The following ABHD16A variants were observed in gnomAD, a reference collection of about 807,000 sequenced individuals.
ABHD16A encodes the protein abhydrolase domain containing 16A, phospholipase.
A neutral mutation model predicts 89.8 loss-of-function variants in ABHD16A; 47 were observed. That is an observed-to-expected ratio of 0.52 (90% CI 0.41 to 0.67). The LOEUF is 0.67. Ranked by LOEUF, ABHD16A falls within the 30% of genes least tolerant of loss-of-function variation. ABHD16A has a pLI of 0.00. For synonymous variants in ABHD16A, 251 were observed against 280.4 expected (o/e 0.90, Z 1.05); for missense variants, 580 against 734.6 (o/e 0.79, Z 2.43).
chr6:31,696,908 T>A, intron 5 of ABHD16A, 40 bp downstream of exon 5: 1 of 1,564,750 alleles, frequency 6.4e-7, no homozygotes, highest in Non-Finnish European at 8.8e-7. Flanking sequence ...AGAAAGCTGC[T>A]ATTGGGTGCC....
At chr6:31,694,906 T>C (rs1256391232) in intron 5 of ABHD16A, among the ~76,000 whole-genome samples, 1 of 152,168 alleles carries the variant, frequency 6.6e-6, no homozygotes, top group African/African-American at 2.4e-5. Context: ...TCAGACCTGC[T>C]CTCAAATCTG....
At chr6:31,700,904 G>T in intron 4 of ABHD16A, 38 bp downstream of exon 4, 1 of 1,543,478 alleles carries the variant, frequency 6.5e-7, no homozygotes, top group Non-Finnish European at 9.0e-7. Context: ...CAGTGACAGT[G>T]ACAGATAAGA....
chr6:31,690,530 C>T lies in ABHD16A; in HGVS notation c.907+9G>A, dbSNP rs776583010. On this transcript the variant is annotated intron_variant, in intron 10 of 19. Transcript: ENST00000395952. The surrounding 1 kb of genome is among the most constrained non-coding windows in gnomAD (Gnocchi z 4.1). ...GGGCGGAGATAAGGAGGCTGAGTCACCGTCCTACCTTCCAGGGGCGTGGAG... is the reference window on the plus strand; with the variant it reads ...GGGCGGAGATAAGGAGGCTGAGTCATCGTCCTACCTTCCAGGGGCGTGGAG... The T allele has an allele frequency of 3.7e-6, 6 of 1,612,922 alleles. No homozygotes were observed. Among genetic ancestry groups the T allele is most frequent in the Non-Finnish European group, 5.1e-6 (6 of 1,179,924 alleles).
At chr6:31,703,007 A>G (rs1373760040) in intron 1 of ABHD16A, 143 bp downstream of exon 1, 7 of 1,349,646 alleles carry the variant, frequency 5.2e-6, no homozygotes, top group African/African-American at 1.5e-5. Context: ...TAACTCAGGA[A>G]GCACACAGAG....
chr6:31,694,627 G>A (rs1323922125), intron 5 of ABHD16A, among the ~76,000 whole-genome samples: 2 of 151,870 alleles, frequency 1.3e-5, no homozygotes, highest in African/African-American at 2.4e-5. Context: ...TCCTGACCTC[G>A]TGATCCACCC....
At chr6:31,694,388 T>TTTTTTTTG (rs1804196444) in intron 5 of ABHD16A, among the ~76,000 whole-genome samples, 1 of 14,514 alleles carries the variant, frequency 6.9e-5, no homozygotes, top group Non-Finnish European at 1.5e-4. Flanking sequence ...GAGCTGTGTC[T>TTTTTTTTG]TTTTTTTTTT....
intron 4 of ABHD16A, among the ~76,000 whole-genome samples, chr6:31,699,415 A>C: frequency 6.6e-6 from 1 of 151,020 alleles, no homozygotes; most frequent in East Asian, 1.9e-4. Context: ...TCTCAAAAAA[A>C]AAAAAAAAAA....
Position 31,690,744 on chromosome 6 carries a change from T to C in ABHD16A, c.844-142A>G. On this transcript the variant is annotated intron_variant, in intron 9 of 19. Coordinates refer to ENST00000395952, the MANE Select transcript of ABHD16A (RefSeq NM_021160.3). This position sits in a 1 kb window ranked among gnomAD's most constrained non-coding sequence, Gnocchi z 4.1. Reference sequence around the variant, plus strand: ...TGTTTTCTCCAAGGGGAATGGAAGCTTCTCATTCCACAGGGTCCATAAGAG... The same window carrying C: ...TGTTTTCTCCAAGGGGAATGGAAGCCTCTCATTCCACAGGGTCCATAAGAG... The C allele has an allele frequency of 1.4e-6, 1 of 726,248 alleles. No homozygotes were observed. Among genetic ancestry groups the C allele is most frequent in the Non-Finnish European group, 2.4e-6 (1 of 420,310 alleles). 45.0% of individuals were successfully genotyped at this position (726,248 alleles called of 1,614,324 possible).
In ABHD16A at chr6:31,691,871, G is replaced by C. The variant is rs1414992283; in HGVS notation, c.674C>G (p.Ser225Cys). The change falls in exon 8 of 20, where the codon TCT (serine) becomes TGT (cysteine). Residue 225 changes from serine (S) to cysteine (C), a missense_variant. Around this residue, in one of 2 missense-constraint regions of ABHD16A, gnomAD observed 415 missense variants for 568.8 expected, o/e 0.73. Transcript: ENST00000395952. The part of the protein sequence containing the change: ...TLGRRMLYPG[S>C]VYLLQKALMP... ...GAGGGCCTTCTGCAGCAGGTACACA[G>C]AGCCTGGATACAGCATCCGGCGCCC... 1 of 1,611,456 alleles carries C rather than the reference G, an allele frequency of 6.2e-7. No homozygotes were observed. The highest frequency in any genetic ancestry group is 1.3e-5 in the African/African-American group (1 of 74,888).
chr6:31,693,008 C>T lies in ABHD16A; in HGVS notation c.626+19G>A. On this transcript the variant is annotated intron_variant, in intron 7 of 19. Transcript: ENST00000395952. The surrounding 1 kb of genome is among the most constrained non-coding windows in gnomAD (Gnocchi z 5.0). Reference sequence around the variant, plus strand: ...GGCCCCTCCACCCCAGTGGGCCTCTCCTCGCTGCTGTTTCCCACCTGGTGA... The same window carrying T: ...GGCCCCTCCACCCCAGTGGGCCTCTTCTCGCTGCTGTTTCCCACCTGGTGA... 1 of 1,614,248 alleles carries T rather than the reference C, an allele frequency of 6.2e-7. No individual in the cohort carries two copies.
At chr6:31,692,803 TC>T in intron 7 of ABHD16A, 1 of 344,848 alleles carries the variant, frequency 2.9e-6, no homozygotes, top group African/African-American at 2.2e-5. Context: ...TTTGTTCATA[TC>T]CCAGTTCTTT....
Position 31,690,475 on chromosome 6 carries a change from G to C in ABHD16A, c.907+64C>G. ...GCAGAGGCCAGGGGAGGTCAGGTCA[G>C]TGTGGGAGGCAGGGACATTCCCTTT... On this transcript the variant is annotated intron_variant, in intron 10 of 19. Coordinates refer to ENST00000395952, the MANE Select transcript of ABHD16A (RefSeq NM_021160.3). This position sits in a 1 kb window ranked among gnomAD's most constrained non-coding sequence, Gnocchi z 4.1. 2 of 1,559,188 alleles carry C rather than the reference G, an allele frequency of 1.3e-6. No individual in the cohort carries two copies. Among genetic ancestry groups the C allele is most frequent in the Non-Finnish European group, 1.8e-6 (2 of 1,131,176 alleles).
In ABHD16A at chr6:31,691,877, G is replaced by T; in HGVS notation, c.668C>A (p.Pro223Gln). Residue 223 changes from proline (P) to glutamine (Q), a missense_variant, in exon 8 of 20, where the codon CCA becomes CAA. Around this residue, in one of 2 missense-constraint regions of ABHD16A, gnomAD observed 415 missense variants for 568.8 expected, o/e 0.73. Coordinates refer to ENST00000395952, the MANE Select transcript of ABHD16A (RefSeq NM_021160.3). ...CTTCTGCAGCAGGTACACAGAGCCT[G>T]GATACAGCATCCGGCGCCCTAGGGT... Reference protein sequence around the residue: ...AHTLGRRMLYPGSVYLLQKAL... With the variant: ...AHTLGRRMLYQGSVYLLQKAL... 6.2e-7 allele frequency: 1 copy of T among 1,611,358 alleles called. No individual in the cohort carries two copies.
At chr6:31,702,970 GAGGCGGCCAGTCCGT>G in intron 1 of ABHD16A, 165 bp downstream of exon 1, 1 of 1,327,982 alleles carries the variant, frequency 7.5e-7, no homozygotes, top group South Asian at 2.2e-5. Flanking sequence ...AAAAAGAAAG[GAGGCGGCCAGTCCGT>G]AGGCGTGACT....
intron 1 of ABHD16A, chr6:31,702,562 A>G: frequency 7.1e-7 from 1 of 1,408,376 alleles, no homozygotes; most frequent in Non-Finnish European, 9.3e-7. Context: ...GGAGACAGTA[A>G]CACAATGAGA....
intron 4 of ABHD16A, among the ~76,000 whole-genome samples, chr6:31,699,178 G>A (rs1475259377): frequency 1.3e-5 from 2 of 151,734 alleles, no homozygotes; most frequent in Non-Finnish European, 2.9e-5. Flanking sequence ...AGGCCGAGGC[G>A]GGTGGATCAC....
intron 1 of ABHD16A, 189 bp downstream of exon 1, chr6:31,702,961 A>G (rs1326558662): frequency 7.7e-7 from 1 of 1,298,740 alleles, no homozygotes; most frequent in African/African-American, 1.5e-5. Flanking sequence ...TAAAGAGCGA[A>G]AAAGAAAGGA....
chr6:31,701,372 TACACAC>T (rs3830950), intron 2 of ABHD16A, 32 bp from the exon 3 acceptor site: 21 of 1,406,324 alleles, frequency 1.5e-5, no homozygotes, highest in Middle Eastern at 3.5e-4. Context: ...AGGCAATCAA[TACACAC>T]ACACACACAC....
chr6:31,700,258 T>C (rs1349816742), intron 4 of ABHD16A, among the ~76,000 whole-genome samples: 5 of 152,038 alleles, frequency 3.3e-5, no homozygotes, highest in Admixed American at 1.3e-4. Context: ...CCTAAGTAGC[T>C]GGGATTACAG....
Sources: allele counts gnomAD v4.1 joint callset (sites outside exome capture counted in the v4.1 genomes callset), GRCh38; gene constraint gnomAD v4.1.1; regional missense constraint gnomAD v4.1.1; non-coding constraint Gnocchi (gnomAD v3.1); transcripts MANE v1.5; gene names NCBI Gene and HGNC (gene_info 2026-07-23, HGNC 2026-07-21).